The following RNF19A variants were observed in gnomAD, a reference collection of about 807,000 sequenced individuals.
RNF19A encodes E3 ubiquitin-protein ligase RNF19A.
Under a neutral mutation model 75.7 loss-of-function variants are expected in RNF19A, and 32 were observed. That is an observed-to-expected ratio of 0.42 (90% CI 0.32 to 0.57). RNF19A has a LOEUF of 0.57. Ranked by LOEUF, RNF19A falls within the 20% of genes least tolerant of loss-of-function variation. The pLI is 0.10. For synonymous variants in RNF19A, 335 were observed against 345.2 expected (o/e 0.97, Z 0.33); for missense variants, 782 against 1,036.3 (o/e 0.75, Z 3.37).
chr8:100,282,209 G>T (rs560616291), intron 2 of RNF19A, among the ~76,000 whole-genome samples: 10 of 152,234 alleles, frequency 6.6e-5, no homozygotes, highest in Middle Eastern at 3.4e-3. Context: ...TTGAATGAGG[G>T]TGAAGGGGAA....
At chr8:100,294,583 A>G (rs1358673190) in intron 1 of RNF19A, among the ~76,000 whole-genome samples, 1 of 134,406 alleles carries the variant, frequency 7.4e-6, no homozygotes, top group African/African-American at 3.1e-5. Context: ...CTTAACTTCC[A>G]TCCCCTGATA....
At chr8:100,270,105 C>T (rs1445662012) in intron 3 of RNF19A, 92 bp from the exon 4 acceptor site, 2 of 1,112,900 alleles carry the variant, frequency 1.8e-6, no homozygotes, top group Non-Finnish European at 2.4e-6. Flanking sequence ...GTCAAAAAAT[C>T]TTAAGATGTA....
At chr8:100,266,136 T>A (rs1486748814) in intron 5 of RNF19A, among the ~76,000 whole-genome samples, 2 of 152,362 alleles carry the variant, frequency 1.3e-5, no homozygotes, top group African/African-American at 4.8e-5. Flanking sequence ...ATTTTTCTGT[T>A]TACTATTTTT....
chr8:100,328,449 C>A (rs1822567913), intron 1 of RNF19A, among the ~76,000 whole-genome samples: 1 of 151,762 alleles, frequency 6.6e-6, no homozygotes, highest in Non-Finnish European at 1.5e-5. Flanking sequence ...GACTTCTAGG[C>A]ATTAATGTTT....
chr8:100,282,209 G>A (rs560616291), intron 2 of RNF19A, among the ~76,000 whole-genome samples: 2 of 152,116 alleles, frequency 1.3e-5, no homozygotes, highest in African/African-American at 4.8e-5. Flanking sequence ...TTGAATGAGG[G>A]TGAAGGGGAA....
intron 1 of RNF19A, among the ~76,000 whole-genome samples, chr8:100,299,264 A>C (rs1821712689): frequency 1.3e-5 from 2 of 152,232 alleles, no homozygotes; most frequent in Admixed American, 1.3e-4. Flanking sequence ...ATATATAGGC[A>C]GTTTTAATAT....
At chr8:100,281,738 T>TA (rs1410942822) in intron 2 of RNF19A, among the ~76,000 whole-genome samples, 1 of 152,198 alleles carries the variant, frequency 6.6e-6, no homozygotes, top group Non-Finnish European at 1.5e-5. Context: ...AACATACCTT[T>TA]AAATAACTTT....
chr8:100,278,373 G>A (rs1448115877), intron 2 of RNF19A, among the ~76,000 whole-genome samples: 1 of 152,148 alleles, frequency 6.6e-6, no homozygotes, highest in Non-Finnish European at 1.5e-5. Context: ...AATATTGGTT[G>A]GCATTTTAGA....
rs1822522556 is a variant in RNF19A, at chr8:100,325,549, T to C, written c.-243+10559A>G. On this transcript the variant is annotated intron_variant, in intron 1 of 3. Transcript: ENST00000519527. The surrounding 1 kb of genome is among the most constrained non-coding windows in gnomAD (Gnocchi z 4.3). ...CTTTATATGTACCCAGGAATTTGGA[T>C]CTAGTTCTCTGCCCTCAGCAGCACC... Among the ~76,000 whole-genome samples the C allele has an allele frequency of 6.6e-6, 1 of 152,110 alleles. No homozygotes were observed. The highest frequency in any genetic ancestry group is 2.1e-4 in the South Asian group (1 of 4,824).
intron 1 of RNF19A, among the ~76,000 whole-genome samples, chr8:100,308,728 G>A (rs1189268512): frequency 1.3e-5 from 2 of 151,970 alleles, no homozygotes; most frequent in East Asian, 3.9e-4. Context: ...CACAATTTAA[G>A]ACAACCGATC....
chr8:100,296,164 G>A (rs1180714561), intron 1 of RNF19A, among the ~76,000 whole-genome samples: 1 of 136,034 alleles, frequency 7.4e-6, no homozygotes, highest in Non-Finnish European at 1.7e-5. Context: ...GAGTGCAGTG[G>A]CATAATCTCA....
At chr8:100,307,419 C>T (rs1822107059) in intron 1 of RNF19A, among the ~76,000 whole-genome samples, 1 of 152,098 alleles carries the variant, frequency 6.6e-6, no homozygotes, top group Admixed American at 6.5e-5. Context: ...TCTCAACCAT[C>T]TGTGCCCTGT....
At chr8:100,315,381 T>C (rs1437629682) in intron 1 of RNF19A, among the ~76,000 whole-genome samples, 1 of 152,116 alleles carries the variant, frequency 6.6e-6, no homozygotes, top group Non-Finnish European at 1.5e-5. Flanking sequence ...CTTGGCCTTA[T>C]GTTTGTTTCA....
Position 100,257,773 on chromosome 8 carries a change from T to A in RNF19A, c.*783A>T, listed in dbSNP as rs996862542. ...CCAAAGGCACCAAGAATCAATGGGG[T>A]ACAAACTTCCCCTTAGAGAAAGGTG... On this transcript the variant is annotated 3_prime_UTR_variant, in exon 10 of 10. Transcript: ENST00000341084. The A allele has an allele frequency of 2.7e-6, 1 of 366,578 alleles. No individual in the cohort carries two copies. Among genetic ancestry groups the A allele is most frequent in the Non-Finnish European group, 4.8e-6 (1 of 206,208 alleles). 22.7% of individuals were successfully genotyped at this position (366,578 alleles called of 1,614,324 possible).
At position 100,321,713 on chromosome 8, in the gene RNF19A, A is replaced by G. The variant is rs58473488; in HGVS notation, c.-242-8341T>C. On this transcript the variant is annotated intron_variant, in intron 1 of 3. Coordinates refer to the RNF19A transcript ENST00000519527. Reference sequence around the variant, plus strand: ...CAAAATGTATTTCTTAAATAATAAGACTTGAAAGTTGAAATTACTCTTTCA... The same window carrying G: ...CAAAATGTATTTCTTAAATAATAAGGCTTGAAAGTTGAAATTACTCTTTCA... 2.8e-3 allele frequency among the ~76,000 whole-genome samples: 431 copies of G among 152,368 alleles called. 5 individuals are homozygous for G. Among genetic ancestry groups the G allele is most frequent in the African/African-American group, 1.0e-2 (415 of 41,584 alleles).
rs1251563124 is a variant in RNF19A, at chr8:100,264,081, A to T, written c.1421T>A (p.Phe474Tyr). The change falls in exon 7 of 10, where the codon TTT (phenylalanine) becomes TAT (tyrosine). Residue 474 changes from phenylalanine to tyrosine, a missense_variant. By Grantham distance (22) the Phe-to-Tyr change is conservative (BLOSUM62 3). This residue lies in a region of RNF19A where 442 missense variants were observed against 541.6 expected (regional missense o/e 0.82). Transcript: ENST00000341084. The surrounding 1 kb of genome is among the most constrained non-coding windows in gnomAD (Gnocchi z 4.7). ...AACATTTATATCATTTTCATCATCA[A>T]ATTCAATCCTAACTCCTTTTCCATT... ...AGNGKGVRIE[F>Y]DDENDINVGG... The T allele has an allele frequency of 6.2e-7, 1 of 1,613,714 alleles. No homozygotes were observed. Among genetic ancestry groups the T allele is most frequent in the Non-Finnish European group, 8.5e-7 (1 of 1,179,764 alleles).
In RNF19A at chr8:100,325,100, G is replaced by A. The variant is rs747835025; in HGVS notation, c.-243+11008C>T. ...TTTTTGTATTTTTAGTAGAGATGGG[G>A]TTTCACCATGTTGGTCAGGCTGGTC... On this transcript the variant is annotated intron_variant, in intron 1 of 3. Coordinates refer to the RNF19A transcript ENST00000519527. This position sits in a 1 kb window ranked among gnomAD's most constrained non-coding sequence, Gnocchi z 4.3. 2.6e-5 allele frequency among the ~76,000 whole-genome samples: 4 copies of A among 152,090 alleles called. No homozygotes were observed. The highest frequency in any genetic ancestry group is 4.4e-5 in the Non-Finnish European group (3 of 68,022).
At chr8:100,311,324 T>G (rs1390350729), upstream of RNF19A, among the ~76,000 whole-genome samples, 5 of 152,216 alleles carry the variant, frequency 3.3e-5, no homozygotes, top group Non-Finnish European at 7.3e-5. Context: ...TAAATGCTAC[T>G]TGAAGGCTGC....
At chr8:100,281,653 T>C (rs1417851248) in intron 2 of RNF19A, among the ~76,000 whole-genome samples, 2 of 152,342 alleles carry the variant, frequency 1.3e-5, no homozygotes, top group Non-Finnish European at 2.9e-5. Flanking sequence ...CTGTCTCTCA[T>C]GTCACGTCGA....
Sources: gnomAD v4.1 joint callset for allele counts (sites outside exome capture counted in the v4.1 genomes callset) on GRCh38, gnomAD v4.1.1 for gene constraint, gnomAD v4.1.1 regional missense constraint, Gnocchi (gnomAD v3.1) non-coding constraint, MANE v1.5 for transcripts, NCBI Gene and HGNC (gene_info 2026-07-23, HGNC 2026-07-21) for gene names.